Variants in ATAD3B observed in about 807,000 individuals in gnomAD.
ATAD3B encodes the protein ATPase family AAA domain-containing protein 3B.
In ATAD3B, 59 loss-of-function variants were observed where a neutral mutation model predicts 70.2. The ratio of observed to expected loss-of-function variants is 0.84; its 90% CI spans 0.68 to 1.04. The LOEUF (loss-of-function observed/expected upper bound fraction) is 1.04. Among genes scored for constraint, ATAD3B ranks in the 50% least tolerant of loss-of-function variants. The pLI, the probability that ATAD3B is intolerant of heterozygous loss-of-function variation, is 0.00. For missense variants in ATAD3B, 961 were observed against 913.4 expected (o/e 1.05, Z -0.67); for synonymous variants, 423 against 388.6 (o/e 1.09, Z -1.04).
At chr1:1,507,160 GT>G in the ATAD3B span, among the ~76,000 whole-genome samples, 3 of 152,134 alleles carry the variant, frequency 2.0e-5, no homozygotes, top group Non-Finnish European at 4.4e-5. Context: ...TCCCTTTTCA[GT>G]TTGGATGACT....
Position 1,473,740 on chromosome 1 carries a change from C to T in ATAD3B, c.205+1651C>T, listed in dbSNP as rs140770236. ...TGACCACCTGACCCCGTGATCCACC[C>T]GCCTCGACCTCCCAAAGTGATGAGA... On this transcript the variant is annotated intron_variant, in intron 1 of 15. Transcript: ENST00000673477. Among the ~76,000 whole-genome samples, 508 of 152,158 alleles carry T rather than the reference C, an allele frequency of 3.3e-3. 3 individuals are homozygous for T. Among genetic ancestry groups the T allele is most frequent in the African/African-American group, 0.011 (467 of 41,538 alleles).
Position 1,490,360 on chromosome 1 carries a change from C to T in ATAD3B, c.1441C>T (p.Arg481Trp), listed in dbSNP as rs1225696645. 4.3e-6 allele frequency: 7 copies of T among 1,613,480 alleles called. No homozygotes were observed. Among genetic ancestry groups the T allele is most frequent in the South Asian group, 3.3e-5 (3 of 91,030 alleles). ...CTTCGACCTGCCGCAGCAGGAGGAG[C>T]GGGAGCGCCTGGTGAGACTGCATTT... ...VHFDLPQQEE[R>W]ERLVRLHFDN... Residue 481 changes from arginine (R) to tryptophan (W), a missense_variant, in exon 14 of 16, where the codon CGG (arginine) becomes TGG (tryptophan). Physicochemically the swap from Arg to Trp is moderately radical, Grantham distance 101. Around this residue, in one of 4 missense-constraint regions of ATAD3B, gnomAD observed 417 missense variants for 335.0 expected, o/e 1.24. Coordinates refer to ENST00000673477, the MANE Select transcript of ATAD3B (RefSeq NM_031921.6).
At chr1:1,476,884 G>A (rs1344336165) in intron 1 of ATAD3B, among the ~76,000 whole-genome samples, 1 of 151,886 alleles carries the variant, frequency 6.6e-6, no homozygotes, top group Non-Finnish European at 1.5e-5. Flanking sequence ...TCGGCTCGCT[G>A]CAAGCTCTGC....
At chr1:1,492,745 C>A (rs1041828243) in intron 15 of ATAD3B, among the ~76,000 whole-genome samples, 5 of 151,862 alleles carry the variant, frequency 3.3e-5, no homozygotes, top group Non-Finnish European at 7.4e-5. Flanking sequence ...CAAGACCAGC[C>A]TGGACAACAT....
chr1:1,498,502 A>G (rs1640857979), downstream of ATAD3B, among the ~76,000 whole-genome samples: 1 of 148,434 alleles, frequency 6.7e-6, no homozygotes, highest in South Asian at 2.3e-4. Flanking sequence ...ACCCTTGATG[A>G]TGGCCATGGC....
intron 5 of ATAD3B, among the ~76,000 whole-genome samples, 156 bp from the exon 6 acceptor site, chr1:1,481,974 CCTTAGCCT>C (rs1454065331): frequency 2.8e-5 from 4 of 145,322 alleles, no homozygotes; most frequent in African/African-American, 1.1e-4. Flanking sequence ...CTGTCCGTGG[CCTTAGCCT>C]GTTGGTGGCG....
Position 1,497,845 on chromosome 1 carries a change from A to C in ATAD3B, c.*2028A>C, listed in dbSNP as rs1430747394. The C allele has an allele frequency of 2.1e-5, 3 of 145,908 alleles. No individual in the cohort carries two copies. Among genetic ancestry groups the C allele is most frequent in the Admixed American group, 2.0e-4 (3 of 14,726 alleles). The allele number at this position is 145,908 out of a possible 1,614,324, so 9.0% of individuals were successfully genotyped here. A position where few individuals can be genotyped will look rare whatever the true frequency, so the allele number is the denominator to read the frequency against. ...CACGCCACTGCACTCCGGCCTGGGC[A>C]ACAGAACTGTTTAAAAAAAAAAAAA... On this transcript the variant is annotated 3_prime_UTR_variant, in exon 16 of 16. Transcript: ENST00000673477.
chr1:1,502,222 T>C (rs1012668708), downstream of ATAD3B, among the ~76,000 whole-genome samples: 2 of 145,080 alleles, frequency 1.4e-5, no homozygotes, highest in South Asian at 2.2e-4. Context: ...TTCTCTCTCT[T>C]TTTTTTTTTG....
chr1:1,477,124 C>G (rs1166837920), intron 1 of ATAD3B, 150 bp from the exon 2 acceptor site: 1 of 1,048,022 alleles, frequency 9.5e-7, no homozygotes, highest in Non-Finnish European at 1.4e-6. Flanking sequence ...ATCCTCCCAC[C>G]TGAGCCTCAG....
At chr1:1,477,665 A>G (rs1396731722) in intron 2 of ATAD3B, among the ~76,000 whole-genome samples, 2 of 149,870 alleles carry the variant, frequency 1.3e-5, no homozygotes, top group Non-Finnish European at 3.0e-5. Context: ...ATTTCTTTTC[A>G]CTCAGCAGGA....
At position 1,485,786 on chromosome 1, in the gene ATAD3B, G is replaced by A; in HGVS notation, c.911G>A (p.Ser304Asn). 1.9e-6 allele frequency: 3 copies of A among 1,613,050 alleles called. No individual in the cohort carries two copies. Among genetic ancestry groups the A allele is most frequent in the Middle Eastern group, 1.7e-4 (1 of 5,972 alleles). Residue 304 changes from serine to asparagine, a missense_variant, in exon 9 of 16, where the codon AGC becomes AAC. Physicochemically the swap from Ser to Asn is conservative, Grantham distance 46. Coordinates refer to ENST00000673477, the MANE Select transcript of ATAD3B (RefSeq NM_031921.6). ...CTTCCCCTTCCCCTCCGGCAGGTCA[G>A]CCGGCGGCTCCTCAGTCGACCCCAG... ...LEALRHPIQVSRRLLSRPQDV... is the reference protein window; with the variant it reads ...LEALRHPIQVNRRLLSRPQDV...
intron 8 of ATAD3B, 121 bp from the exon 9 acceptor site, chr1:1,485,661 G>C (rs572533332): frequency 1.1e-5 from 16 of 1,477,562 alleles, no homozygotes; most frequent in Non-Finnish European, 1.2e-5. Flanking sequence ...GCTCCGGGCC[G>C]GTCCTGGCTG....
At chr1:1,489,981 G>A in intron 13 of ATAD3B, 2 of 1,302,236 alleles carry the variant, frequency 1.5e-6, no homozygotes. Flanking sequence ...GGTGTTCCCG[G>A]CACTGCCTAT....
downstream of ATAD3B, among the ~76,000 whole-genome samples, chr1:1,501,658 A>C (rs1232334432): frequency 1.3e-5 from 2 of 151,618 alleles, no homozygotes; most frequent in Non-Finnish European, 2.9e-5. Context: ...CCCAGAGTGC[A>C]GGGATTACAG....
In ATAD3B at chr1:1,485,435, C is replaced by T. The variant is rs536196122; in HGVS notation, c.906+264C>T. 2.0e-3 allele frequency among the ~76,000 whole-genome samples: 303 copies of T among 152,128 alleles called. 1 individual carries two copies. The highest frequency in any genetic ancestry group is 3.2e-3 in the Non-Finnish European group (217 of 67,980). On this transcript the variant is annotated intron_variant, in intron 8 of 15. Coordinates refer to ENST00000673477, the MANE Select transcript of ATAD3B (RefSeq NM_031921.6). ...AGCACATCGGGGTCCTTGCAAGACC[C>T]GGGACTTGGGTGTGCGGCCGTCTGT...
the ATAD3B span, among the ~76,000 whole-genome samples, chr1:1,504,546 A>G: frequency 6.6e-6 from 1 of 151,938 alleles, no homozygotes; most frequent in Non-Finnish European, 1.5e-5. Flanking sequence ...GCTACTCAGG[A>G]GGCTGAGGCA....
Position 1,486,169 on chromosome 1 carries a change from C to T in ATAD3B, c.1023C>T (p.Asn341=). 5 of 1,613,312 alleles carry T rather than the reference C, an allele frequency of 3.1e-6. No individual in the cohort carries two copies. Among genetic ancestry groups the T allele is most frequent in the Non-Finnish European group, 4.2e-6 (5 of 1,179,670 alleles). ...IAIATRNTKK[N]RGLYRHILLY... is the part of the protein sequence containing the mutation. ...TAGCAACCAGGAACACCAAGAAGAA[C>T]CGGGGCCTGTACAGGCACATCCTGC... The change falls in exon 10 of 16, where the codon AAC becomes AAT. Residue 341 remains asparagine, a synonymous_variant. Coordinates refer to ENST00000673477, the MANE Select transcript of ATAD3B (RefSeq NM_031921.6).
intron 2 of ATAD3B, 119 bp downstream of exon 2, chr1:1,477,469 C>G: frequency 1.3e-6 from 2 of 1,509,582 alleles, no homozygotes; most frequent in Admixed American, 1.9e-5. Context: ...GCAGTGGGGC[C>G]AGGGCCGAGC....
intron 15 of ATAD3B, 102 bp from the exon 16 acceptor site, chr1:1,495,383 T>A: frequency 1.4e-6 from 2 of 1,446,568 alleles, no homozygotes; most frequent in Non-Finnish European, 1.9e-6. Flanking sequence ...GAGGTTGTCC[T>A]GGTGCCCCTG....
Sources: allele counts gnomAD v4.1 joint callset (sites outside exome capture counted in the v4.1 genomes callset), GRCh38; gene constraint gnomAD v4.1.1; regional missense constraint gnomAD v4.1.1; transcripts MANE v1.5; gene names NCBI Gene and HGNC (gene_info 2026-07-23, HGNC 2026-07-21).